The following UNC45A variants were observed in gnomAD, a reference collection of about 807,000 sequenced individuals.
The protein encoded by UNC45A is unc-45 myosin chaperone A, also known as protein unc-45 homolog A.
UNC45A carries 78 observed loss-of-function variants against 103.2 expected under a neutral mutation model. The observed-to-expected ratio is 0.76, with a 90% CI of 0.63 to 0.91. The LOEUF is 0.91. UNC45A is among the 40% of genes least tolerant of loss of function. The pLI, the probability that UNC45A is intolerant of heterozygous loss-of-function variation, is 0.00. For missense variants in UNC45A, 1,193 were observed against 1,224.8 expected, an observed-to-expected ratio of 0.97 and a Z score of 0.39; for synonymous variants, 495 against 504.6, an observed-to-expected ratio of 0.98 and a Z score of 0.25.
upstream of UNC45A, chr15:90,932,363 C>CA: frequency 2.0e-6 from 2 of 1,014,294 alleles, no homozygotes; most frequent in East Asian, 3.1e-5. Context: ...GCACGCCCCC[C>CA]ACGTTTCCTT....
Position 90,946,572 on chromosome 15 carries a change from A to T in UNC45A, c.1200-42A>T, listed in dbSNP as rs2304939. ...GAAGGGAGGGAAGAAGAGTCCCTTT[A>T]TGTTGGCCTTGGTGTGACGGCTGTC... On this transcript the variant is annotated intron_variant, in intron 9 of 19. Transcript: ENST00000418476. 4 of 1,541,068 alleles carry T rather than the reference A, an allele frequency of 2.6e-6. No homozygotes were observed. In the Admixed American group the frequency reaches 5.7e-5, roughly 22 times the overall value.
chr15:90,936,989 T>TA (rs1164808794), intron 4 of UNC45A, among the ~76,000 whole-genome samples: 1 of 152,202 alleles, frequency 6.6e-6, no homozygotes, highest in Non-Finnish European at 1.5e-5. Flanking sequence ...CTTATATAGT[T>TA]ACTGAGAATA....
At position 90,936,461 on chromosome 15, in the gene UNC45A, G is replaced by A. The variant is rs777674142; in HGVS notation, c.426+1G>A. ...CATCGGGGGCCAGATTCAGGAGAAGGTATGTGAGTGACCCAGAGAGGTGGA... is the reference window on the plus strand; with the variant it reads ...CATCGGGGGCCAGATTCAGGAGAAGATATGTGAGTGACCCAGAGAGGTGGA... On this transcript the variant is annotated splice_donor_variant, in intron 4 of 19. Coordinates refer to ENST00000418476, the MANE Select transcript of UNC45A (RefSeq NM_018671.5). LOFTEE classifies it high-confidence loss of function. The A allele has an allele frequency of 6.2e-7, 1 of 1,613,870 alleles. No homozygotes were observed. Among genetic ancestry groups the A allele is most frequent in the South Asian group, 1.1e-5 (1 of 91,058 alleles).
chr15:90,947,050 T>A, intron 10 of UNC45A, 136 bp downstream of exon 10: 1 of 1,033,620 alleles, frequency 9.7e-7, no homozygotes, highest in Non-Finnish European at 1.4e-6. Context: ...TTAGCTAGGC[T>A]TGGTGGTGCA....
At position 90,951,547 on chromosome 15, in the gene UNC45A, G is replaced by C. The variant is rs555307099; in HGVS notation, c.2303+932G>C. ...GGAGGATGAGGCAGGAGGATCACTG[G>C]AGCCCAGAAGTTCAGGCCAGCCTGA... On this transcript the variant is annotated intron_variant, in intron 17 of 19. Transcript: ENST00000418476. Among the ~76,000 whole-genome samples the C allele has an allele frequency of 3.3e-5, 5 of 152,284 alleles. No homozygotes were observed. In the East Asian group the frequency reaches 9.7e-4, roughly 29 times the overall value.
In UNC45A at chr15:90,948,166, C is replaced by G; in HGVS notation, c.1620C>G (p.Asp540Glu). Residue 540 changes from aspartate (D) to glutamate (E), a missense_variant, in exon 12 of 20, where the codon GAC becomes GAG. Coordinates refer to ENST00000418476, the MANE Select transcript of UNC45A (RefSeq NM_018671.5). ...CRKWLCNDQI[D>E]AGTRRWAVEG... Reference sequence around the variant, plus strand: ...GGTGGCTGTGCAATGACCAGATCGACGCAGGCACTCGGCGCTGGGCAGTGG... The same window carrying G: ...GGTGGCTGTGCAATGACCAGATCGAGGCAGGCACTCGGCGCTGGGCAGTGG... 1 of 1,614,126 alleles carries G rather than the reference C, an allele frequency of 6.2e-7. No homozygotes were observed. The highest frequency in any genetic ancestry group is 8.5e-7 in the Non-Finnish European group (1 of 1,180,038).
In UNC45A at chr15:90,954,066, C is replaced by G. The variant is rs193029142; in HGVS notation, c.*350C>G. 686 of 329,000 alleles carry G rather than the reference C, an allele frequency of 2.1e-3. 8 individuals are homozygous for G. Among genetic ancestry groups the G allele is most frequent in the African/African-American group, 0.014 (656 of 47,374 alleles). The allele number at this position is 329,000 out of a possible 1,614,324, so 20.4% of individuals were successfully genotyped here. ...GCTGTGAGCCTGCTATCAGGCCTGCCCCTCCAATAAAAGTGTGTAGAACTC... is the reference window on the plus strand; with the variant it reads ...GCTGTGAGCCTGCTATCAGGCCTGCGCCTCCAATAAAAGTGTGTAGAACTC... On this transcript the variant is annotated 3_prime_UTR_variant, in exon 20 of 20. Transcript: ENST00000418476.
chr15:90,949,436 C>T lies in UNC45A; in HGVS notation c.1999C>T (p.Leu667Phe). 1 of 1,613,664 alleles carries T rather than the reference C, an allele frequency of 6.2e-7. No individual in the cohort carries two copies. The highest frequency in any genetic ancestry group is 8.5e-7 in the Non-Finnish European group (1 of 1,179,956). ...GCTGACCAGTTCCTGCAGAGAGCTG[C>T]TCTCCAGGTGAGCCAGCCTTGGTAG... ...PVLTSSCREL[L>F]SRVFLALVEE... Residue 667 changes from leucine (L) to phenylalanine (F), a missense_variant, in exon 14 of 20, where the codon CTC becomes TTC. By Grantham distance (22) the Leu-to-Phe change is conservative. Coordinates refer to ENST00000418476, the MANE Select transcript of UNC45A (RefSeq NM_018671.5).
At chr15:90,939,325 G>A (rs2036172671) in intron 4 of UNC45A, among the ~76,000 whole-genome samples, 1 of 152,202 alleles carries the variant, frequency 6.6e-6, no homozygotes, top group Admixed American at 6.5e-5. Context: ...GGAGCTAAAG[G>A]AAGTGTTAGC....
intron 10 of UNC45A, 146 bp downstream of exon 10, chr15:90,947,060 A>G: frequency 5.4e-6 from 5 of 927,362 alleles, no homozygotes; most frequent in Non-Finnish European, 8.0e-6. Context: ...TTGGTGGTGC[A>G]TGCCTATAGG....
intron 12 of UNC45A, 33 bp downstream of exon 12, chr15:90,948,316 A>G: frequency 6.2e-7 from 1 of 1,610,678 alleles, no homozygotes; most frequent in Non-Finnish European, 8.5e-7. Context: ...CAGCCTGGGG[A>G]CACTGTCTAG....
chr15:90,952,764 A>C (rs781218766), intron 17 of UNC45A, 165 bp from the exon 18 acceptor site: 5 of 629,958 alleles, frequency 7.9e-6, no homozygotes, highest in African/African-American at 5.5e-5. Context: ...TCTCACGAGA[A>C]CTTACTATCA....
chr15:90,949,891 C>T, intron 15 of UNC45A, 171 bp downstream of exon 15: 4 of 736,786 alleles, frequency 5.4e-6, no homozygotes, highest in Non-Finnish European at 9.0e-6. Flanking sequence ...AGCTCCTTGG[C>T]CCCTCCACAC....
chr15:90,946,842 C>T lies in UNC45A; in HGVS notation c.1428C>T (p.Ala476=). 2 of 1,599,190 alleles carry T rather than the reference C, an allele frequency of 1.3e-6. No homozygotes were observed. Among genetic ancestry groups the T allele is most frequent in the East Asian group, 2.3e-5 (1 of 43,906 alleles). Reference sequence around the variant, plus strand: ...CTAAGCGGGCCTCATTCATCACTGCCAATGGTGTCTCGCTGCTGAAGGACC... The same window carrying T: ...CTAAGCGGGCCTCATTCATCACTGCTAATGGTGTCTCGCTGCTGAAGGACC... The part of the protein sequence containing the change: ...GKAKRASFIT[A]NGVSLLKDLY... Residue 476 remains alanine (A), a synonymous_variant, in exon 10 of 20, where the codon GCC becomes GCT. Transcript: ENST00000418476.
rs148854229 is a variant in UNC45A at position 90,936,551 on chromosome 15, C to T, written c.426+91C>T. 2.4e-4 allele frequency: 346 copies of T among 1,449,222 alleles called. No individual in the cohort carries two copies. The East Asian group carries it at 7.9e-3, about 33-fold the overall frequency. 89.8% of individuals were successfully genotyped at this position (1,449,222 alleles called of 1,614,324 possible). On this transcript the variant is annotated intron_variant, in intron 4 of 19. Coordinates refer to ENST00000418476, the MANE Select transcript of UNC45A (RefSeq NM_018671.5). ...AGACACAGTTCTCCAGACGAGATCC[C>T]GGTGGCAAGTGAACCTTGCCTGTGG...
chr15:90,935,443 C>A, intron 1 of UNC45A, 68 bp downstream of exon 1: 1 of 1,578,452 alleles, frequency 6.3e-7, no homozygotes. Context: ...CTCCTTCTCC[C>A]CATCCATGAG....
rs759825776 is a variant in UNC45A at position 90,935,351 on chromosome 15, C to T, written c.27C>T (p.Pro9=). The T allele has an allele frequency of 1.2e-6, 2 of 1,603,802 alleles. No homozygotes were observed. Among genetic ancestry groups the T allele is most frequent in the Non-Finnish European group, 1.7e-6 (2 of 1,176,348 alleles). Residue 9 remains proline (P), a synonymous_variant, in exon 1 of 20, where the codon CCC becomes CCT. Coordinates refer to ENST00000418476, the MANE Select transcript of UNC45A (RefSeq NM_018671.5). The stretch of plus-strand genomic sequence containing the variant: ...TGACTGTGAGTGGTCCAGGGACCCC[C>T]GAGCCCCGGCCGGCCACCCCCGGGG... MTVSGPGT[P]EPRPATPGAS...
upstream of UNC45A, chr15:90,934,693 G>A (rs1010960096): frequency 1.8e-5 from 7 of 398,164 alleles, no homozygotes; most frequent in African/African-American, 6.2e-5. Context: ...TGTAGATCAT[G>A]ATTACAATTA....
At position 90,948,863 on chromosome 15, in the gene UNC45A, A is replaced by C; in HGVS notation, c.1878+69A>C. ...ACAGCTAACCCAGGGCATCCACAGCAGAACAACCTCCCTTTTTTTTTTTTT... is the reference window on the plus strand; with the variant it reads ...ACAGCTAACCCAGGGCATCCACAGCCGAACAACCTCCCTTTTTTTTTTTTT... On this transcript the variant is annotated intron_variant, in intron 13 of 19. Transcript: ENST00000418476. 3 of 1,388,204 alleles carry C rather than the reference A, an allele frequency of 2.2e-6. 1 individual carries two copies. The South Asian group carries it at 4.4e-5, about 20-fold the overall frequency. The allele number at this position is 1,388,204 out of a possible 1,614,324, so 86.0% of individuals were successfully genotyped here.
Sources: allele counts gnomAD v4.1 joint callset (sites outside exome capture counted in the v4.1 genomes callset), GRCh38; gene constraint gnomAD v4.1.1; transcripts MANE v1.5; gene names NCBI Gene and HGNC (gene_info 2026-07-23, HGNC 2026-07-21).